FMN2: variants seen among roughly 807,000 people sequenced by gnomAD.
The protein encoded by FMN2 is formin 2.
Under a neutral mutation model 142.3 loss-of-function variants are expected in FMN2, and 51 were observed. The ratio of observed to expected loss-of-function variants is 0.36; its 90% CI spans 0.29 to 0.45. FMN2 has a LOEUF of 0.45. Ranked by LOEUF, FMN2 falls within the 20% of genes least tolerant of loss-of-function variation. FMN2 has a pLI of 1.00. For synonymous variants in FMN2, 882 were observed against 869.8 expected (o/e 1.01, Z -0.25); for missense variants, 1,936 against 2,122.8 (o/e 0.91, Z 1.73).
Position 240,279,891 on chromosome 1 carries a change from G to A in FMN2, c.4154-14931G>A, listed in dbSNP as rs369111702. ...ATATTTTTGCATATATTAACTACAT[G>A]TTGATGTAAATAGGAACAAAATTAT... On this transcript the variant is annotated intron_variant, in intron 7 of 17. Transcript: ENST00000319653. Among the ~76,000 whole-genome samples the A allele has an allele frequency of 1.6e-4, 24 of 152,186 alleles. No individual in the cohort carries two copies. In the East Asian group the frequency reaches 3.1e-3, roughly 20 times the overall value.
At chr1:240,225,908 GA>G (rs1456690475) in intron 6 of FMN2, among the ~76,000 whole-genome samples, 1 of 152,012 alleles carries the variant, frequency 6.6e-6, no homozygotes, top group African/African-American at 2.4e-5. Context: ...ACCAAAATGG[GA>G]AAAAATTACT....
rs779021967 is a variant in FMN2 at position 240,474,153 on chromosome 1, G to A, written c.5168G>A (p.Ter1723=). ...GIKAKISMKT[*] is the part of the protein sequence containing the mutation. Reference sequence around the variant, plus strand: ...AAAGCAAAGATAAGCATGAAAACTTGAACAATGAAAAGCAGAATGAAAATG... The same window carrying A: ...AAAGCAAAGATAAGCATGAAAACTTAAACAATGAAAAGCAGAATGAAAATG... Residue 1723 remains the stop codon, a stop_retained_variant, in exon 18 of 18, where the codon TGA becomes TAA. Transcript: ENST00000319653. 1 of 1,554,340 alleles carries A rather than the reference G, an allele frequency of 6.4e-7. No individual in the cohort carries two copies. Among genetic ancestry groups the A allele is most frequent in the Admixed American group, 2.2e-5 (1 of 44,810 alleles).
At chr1:240,169,262 A>G (rs970234209) in intron 2 of FMN2, among the ~76,000 whole-genome samples, 2 of 152,176 alleles carry the variant, frequency 1.3e-5, no homozygotes, top group Non-Finnish European at 2.9e-5. Context: ...GAGCCCTCCT[A>G]CACGAGATAT....
At chr1:240,181,472 A>G (rs1396958851) in intron 3 of FMN2, among the ~76,000 whole-genome samples, 1 of 152,018 alleles carries the variant, frequency 6.6e-6, no homozygotes, top group African/African-American at 2.4e-5. Context: ...TTCCTCCTTT[A>G]TGGATTGGTG....
chr1:240,267,677 T>A (rs1204643240), intron 7 of FMN2, among the ~76,000 whole-genome samples: 1 of 150,262 alleles, frequency 6.7e-6, no homozygotes, highest in East Asian at 1.9e-4. Flanking sequence ...TAAAACAACA[T>A]ATAACAAAAT....
At chr1:240,377,661 C>T (rs1673090713) in intron 14 of FMN2, among the ~76,000 whole-genome samples, 1 of 151,970 alleles carries the variant, frequency 6.6e-6, no homozygotes, top group Non-Finnish European at 1.5e-5. Context: ...ATCACTCTGT[C>T]GCTAACTCTC....
intron 6 of FMN2, among the ~76,000 whole-genome samples, chr1:240,242,315 G>A (rs2102870470): frequency 6.6e-6 from 1 of 152,320 alleles, no homozygotes; most frequent in Non-Finnish European, 1.5e-5. Context: ...AGATAGTCGA[G>A]GGAGATATTG....
At chr1:240,121,701 A>C (rs1004303543) in intron 1 of FMN2, among the ~76,000 whole-genome samples, 3 of 115,902 alleles carry the variant, frequency 2.6e-5, no homozygotes, top group Admixed American at 1.3e-4. Flanking sequence ...GTGTCTTCTT[A>C]TTATGCCTCT....
intron 6 of FMN2, among the ~76,000 whole-genome samples, chr1:240,231,622 G>C (rs951357847): frequency 4.6e-5 from 7 of 152,180 alleles, no homozygotes; most frequent in African/African-American, 1.7e-4. Flanking sequence ...TTTGTGAGGG[G>C]CTTGTAGTAG....
chr1:240,240,730 A>G (rs1395238536), intron 6 of FMN2, among the ~76,000 whole-genome samples: 2 of 152,238 alleles, frequency 1.3e-5, no homozygotes, highest in African/African-American at 4.8e-5. Flanking sequence ...AAAATTATAG[A>G]TAGGATACAT....
At chr1:240,449,289 C>G (rs1329463040) in intron 16 of FMN2, among the ~76,000 whole-genome samples, 3 of 152,146 alleles carry the variant, frequency 2.0e-5, no homozygotes, top group African/African-American at 7.2e-5. Flanking sequence ...ACCCACTTTC[C>G]CTGCCTTTCC....
At chr1:240,294,360 A>G (rs1001735551) in intron 7 of FMN2, among the ~76,000 whole-genome samples, 5 of 152,212 alleles carry the variant, frequency 3.3e-5, no homozygotes, top group Non-Finnish European at 7.3e-5. Context: ...AGGAATTATA[A>G]TAGGAAATGC....
At chr1:240,231,098 C>A (rs1333402620) in intron 6 of FMN2, among the ~76,000 whole-genome samples, 1 of 131,504 alleles carries the variant, frequency 7.6e-6, no homozygotes, top group African/African-American at 3.3e-5. Context: ...TAAAAACTTT[C>A]CTATTCCAGT....
intron 16 of FMN2, among the ~76,000 whole-genome samples, chr1:240,439,279 AAAAG>A (rs1553265377): frequency 5.5e-4 from 68 of 124,718 alleles, no homozygotes; most frequent in Middle Eastern, 4.2e-3. Context: ...TCAAAAAAAA[AAAAG>A]AAAGAAAGAA....
At chr1:240,323,726 C>T (rs1164835422) in intron 8 of FMN2, among the ~76,000 whole-genome samples, 1 of 152,158 alleles carries the variant, frequency 6.6e-6, no homozygotes, top group Non-Finnish European at 1.5e-5. Flanking sequence ...CTGTCTCTGA[C>T]CTCTTCTCTC....
At chr1:240,324,122 C>A (rs759312032) in intron 8 of FMN2, among the ~76,000 whole-genome samples, 4 of 152,104 alleles carry the variant, frequency 2.6e-5, no homozygotes, top group African/African-American at 7.2e-5. Flanking sequence ...TTGTGGTCCG[C>A]GAGTGATACT....
chr1:240,175,662 G>A (rs1185108623), intron 2 of FMN2, among the ~76,000 whole-genome samples: 2 of 151,982 alleles, frequency 1.3e-5, no homozygotes, highest in East Asian at 1.9e-4. Flanking sequence ...TTATATTTTT[G>A]TAGAGATGAG....
At chr1:240,356,053 C>T in intron 14 of FMN2, 145 bp downstream of exon 14, 1 of 571,510 alleles carries the variant, frequency 1.7e-6, no homozygotes, top group East Asian at 2.9e-5. Flanking sequence ...TACAGAAAAA[C>T]AGATTAAGTT....
chr1:240,252,860 G>T (rs1167981371), intron 6 of FMN2, among the ~76,000 whole-genome samples: 1 of 149,538 alleles, frequency 6.7e-6, no homozygotes, highest in Non-Finnish European at 1.5e-5. Context: ...GTAGGTTTTT[G>T]ATCCCTTTCA....
Sources: gnomAD v4.1 joint callset for allele counts (sites outside exome capture counted in the v4.1 genomes callset) on GRCh38, gnomAD v4.1.1 for gene constraint, MANE v1.5 for transcripts, NCBI Gene and HGNC (gene_info 2026-07-23, HGNC 2026-07-21) for gene names.